ZBTB20: variants seen among roughly 807,000 people sequenced by gnomAD.
ZBTB20 encodes zinc finger and BTB domain-containing protein 20.
Under a neutral mutation model 56.9 loss-of-function variants are expected in ZBTB20, and 9 were observed. The observed-to-expected ratio is 0.16, with a 90% confidence interval of 0.10 to 0.28. ZBTB20 has a LOEUF of 0.28. Ranked by LOEUF, ZBTB20 falls within the 10% of genes least tolerant of loss-of-function variation. The pLI is 1.00. For synonymous variants in ZBTB20, 417 were observed against 420.7 expected, an observed-to-expected ratio of 0.99 and a Z score of 0.11; for missense variants, 655 against 1,003.0, an observed-to-expected ratio of 0.65 and a Z score of 4.69.
intron 6 of ZBTB20, among the ~76,000 whole-genome samples, chr3:114,677,432 A>G (rs2061692236): frequency 6.6e-6 from 1 of 152,184 alleles, no homozygotes; most frequent in Non-Finnish European, 1.5e-5. Flanking sequence ...TCAGATCAGC[A>G]GCAGCATTAG....
intron 1 of ZBTB20, among the ~76,000 whole-genome samples, chr3:115,131,176 C>G (rs978628302): frequency 6.6e-6 from 1 of 151,990 alleles, no homozygotes; most frequent in Non-Finnish European, 1.5e-5. Context: ...TCTTGGGTAT[C>G]TGCTCCTCTC....
chr3:114,927,894 TG>T (rs2107789785), intron 3 of ZBTB20, among the ~76,000 whole-genome samples: 1 of 152,360 alleles, frequency 6.6e-6, no homozygotes, highest in East Asian at 1.9e-4. Flanking sequence ...ATATAATCTC[TG>T]TAAGAAAATT....
At chr3:114,953,220 G>C (rs2077132484) in intron 3 of ZBTB20, among the ~76,000 whole-genome samples, 1 of 150,328 alleles carries the variant, frequency 6.7e-6, no homozygotes, top group Non-Finnish European at 1.5e-5. Context: ...ACTATACAAA[G>C]AAATATCGTC....
At chr3:114,595,026 C>A (rs958541810) in intron 6 of ZBTB20, among the ~76,000 whole-genome samples, 7 of 152,112 alleles carry the variant, frequency 4.6e-5, no homozygotes, top group Non-Finnish European at 7.3e-5. Context: ...TAATATTTTC[C>A]TTTTTCTTAT....
At chr3:114,355,473 A>G (rs1420878025) in intron 10 of ZBTB20, among the ~76,000 whole-genome samples, 1 of 152,212 alleles carries the variant, frequency 6.6e-6, no homozygotes, top group Non-Finnish European at 1.5e-5. Context: ...ATGAGTACAG[A>G]TGCGAAGGGG....
intron 3 of ZBTB20, among the ~76,000 whole-genome samples, chr3:114,910,061 GA>G (rs1360278340): frequency 6.6e-6 from 1 of 151,364 alleles, no homozygotes; most frequent in Non-Finnish European, 1.5e-5. Flanking sequence ...AAAGAAGATA[GA>G]AATAAAATTA....
intron 2 of ZBTB20, among the ~76,000 whole-genome samples, chr3:115,058,114 C>T (rs774923534): frequency 6.6e-6 from 1 of 152,150 alleles, no homozygotes; most frequent in East Asian, 1.9e-4. Context: ...ATTAAATTAC[C>T]TCCCACCGGG....
intron 6 of ZBTB20, among the ~76,000 whole-genome samples, chr3:114,640,188 T>A (rs1187001265): frequency 6.6e-6 from 1 of 152,052 alleles, no homozygotes; most frequent in African/African-American, 2.4e-5. Context: ...GGATATTGCA[T>A]AGATCATGTC....
At chr3:114,765,429 T>A (rs1448767048) in intron 5 of ZBTB20, among the ~76,000 whole-genome samples, 1 of 151,974 alleles carries the variant, frequency 6.6e-6, no homozygotes, top group Non-Finnish European at 1.5e-5. Context: ...AAGGCAGAAA[T>A]CAGGGAGATG....
At chr3:114,832,359 A>G (rs2108962833) in intron 4 of ZBTB20, among the ~76,000 whole-genome samples, 1 of 152,172 alleles carries the variant, frequency 6.6e-6, no homozygotes, top group Non-Finnish European at 1.5e-5. Flanking sequence ...TAGAACATTT[A>G]GCTAATTTTA....
At chr3:114,356,179 G>A (rs952504807) in intron 10 of ZBTB20, 1 of 152,174 alleles carries the variant, frequency 6.6e-6, no homozygotes, top group African/African-American at 2.4e-5. Flanking sequence ...GGCTAAAGCA[G>A]GGGTGAGTAC....
intron 4 of ZBTB20, among the ~76,000 whole-genome samples, chr3:114,898,124 C>T (rs1387775567): frequency 6.6e-6 from 1 of 152,062 alleles, no homozygotes; most frequent in African/African-American, 2.4e-5. Flanking sequence ...CTGATCTTAA[C>T]TGACCCAAAG....
chr3:115,096,626 C>T (rs1346355648), intron 1 of ZBTB20, among the ~76,000 whole-genome samples: 4 of 152,180 alleles, frequency 2.6e-5, no homozygotes, highest in Non-Finnish European at 5.9e-5. Flanking sequence ...GCAATATTAG[C>T]CAGGTGCTGC....
chr3:114,903,506 T>C (rs922878744), intron 3 of ZBTB20, among the ~76,000 whole-genome samples: 30 of 152,030 alleles, frequency 2.0e-4, no homozygotes, highest in Admixed American at 3.9e-4. Flanking sequence ...AAGCCAGTCA[T>C]GTGCTTGATG....
intron 6 of ZBTB20, among the ~76,000 whole-genome samples, chr3:114,684,036 T>A (rs943881414): frequency 6.6e-6 from 1 of 152,152 alleles, no homozygotes; most frequent in Admixed American, 6.6e-5. Context: ...TCCAAACAAG[T>A]TGTCTCCTCT....
At chr3:114,920,546 G>A (rs2075917258) in intron 3 of ZBTB20, among the ~76,000 whole-genome samples, 1 of 152,116 alleles carries the variant, frequency 6.6e-6, no homozygotes, top group South Asian at 2.1e-4. Context: ...AACAGCCAAT[G>A]TGTAAAAGAA....
chr3:114,874,379 A>G (rs1044940352), intron 4 of ZBTB20, among the ~76,000 whole-genome samples: 2 of 152,180 alleles, frequency 1.3e-5, no homozygotes, highest in Non-Finnish European at 2.9e-5. Flanking sequence ...TACAAAGGGC[A>G]TTCTTAAGGG....
At chr3:114,427,363 G>T (rs1224583301) in intron 7 of ZBTB20, among the ~76,000 whole-genome samples, 1 of 152,126 alleles carries the variant, frequency 6.6e-6, no homozygotes, top group Non-Finnish European at 1.5e-5. Context: ...AACATCAGCA[G>T]GAATACACCA....
chr3:114,946,396 AATAG>A (rs2076888313), intron 3 of ZBTB20, among the ~76,000 whole-genome samples: 1 of 145,490 alleles, frequency 6.9e-6, no homozygotes, highest in Non-Finnish European at 1.5e-5. Context: ...CAAATAAAGC[AATAG>A]ATAAACTTGA....
Sources: allele counts gnomAD v4.1 joint callset (sites outside exome capture counted in the v4.1 genomes callset), GRCh38; gene constraint gnomAD v4.1.1; transcripts MANE v1.5; gene names NCBI Gene and HGNC (gene_info 2026-07-23, HGNC 2026-07-21).